Variants in C8orf48 observed in about 807,000 individuals in gnomAD.
The protein encoded by C8orf48 is chromosome 8 open reading frame 48.
For missense variants in C8orf48, 580 were observed against 363.3 expected (o/e 1.60, Z -4.85); for synonymous variants, 188 against 138.2 (o/e 1.36, Z -2.53).
In C8orf48 at chr8:13,567,507, T is replaced by G. The variant is rs1804489801; in HGVS notation, c.516T>G (p.Leu172=). The G allele has an allele frequency of 1.9e-6, 3 of 1,552,052 alleles. No homozygotes were observed. In the East Asian group the frequency reaches 7.3e-5, roughly 38 times the overall value. Residue 172 remains leucine, a synonymous_variant, in exon 1 of 1, where the codon CTT becomes CTG. Coordinates refer to ENST00000297324, the MANE Select transcript of C8orf48 (RefSeq NM_001007090.3). Reference sequence around the variant, plus strand: ...TTAGTTGTACTGTACCCGATGAACTTTTGAACAGAATCTACTTTAAAAACA... The same window carrying G: ...TTAGTTGTACTGTACCCGATGAACTGTTGAACAGAATCTACTTTAAAAACA... The part of the protein sequence containing the change: ...DAFSCTVPDE[L]LNRIYFKNMR...
At position 13,567,712 on chromosome 8, in the gene C8orf48, C is replaced by G. The variant is rs1251178162; in HGVS notation, c.721C>G (p.Leu241Val). Residue 241 changes from leucine (L) to valine (V), a missense_variant, in exon 1 of 1, where the codon CTC becomes GTC. By Grantham distance (32) the Leu-to-Val change is conservative. Transcript: ENST00000297324. The stretch of plus-strand genomic sequence containing the variant: ...TGAACATCTTCATACCAAAGACTTT[C>G]TCACCCGTATTGGAGAAGCACATCA... ...IDEHLHTKDFLTRIGEAHQDF... is the reference protein window; with the variant it reads ...IDEHLHTKDFVTRIGEAHQDF... 5 of 1,552,084 alleles carry G rather than the reference C, an allele frequency of 3.2e-6. No individual in the cohort carries two copies. In the South Asian group the frequency reaches 4.8e-5, roughly 15 times the overall value.
rs1804487855 is a variant in C8orf48 at position 13,567,474 on chromosome 8, A to T, written c.483A>T (p.Arg161Ser). 6.4e-7 allele frequency: 1 copy of T among 1,552,096 alleles called. No individual in the cohort carries two copies. Among genetic ancestry groups the T allele is most frequent in the African/African-American group, 1.4e-5 (1 of 73,168 alleles). The change falls in exon 1 of 1, where the codon AGA becomes AGT. Residue 161 changes from arginine to serine, a missense_variant. By Grantham distance (110) the Arg-to-Ser change is moderately radical (BLOSUM62 -1). Coordinates refer to ENST00000297324, the MANE Select transcript of C8orf48 (RefSeq NM_001007090.3). Reference protein sequence around the residue: ...HLGLDVEASERDAFSCTVPDE... With the variant: ...HLGLDVEASESDAFSCTVPDE... ...GATTGGATGTAGAGGCTTCAGAGAGAGATGCCTTTAGTTGTACTGTACCCG... is the reference window on the plus strand; with the variant it reads ...GATTGGATGTAGAGGCTTCAGAGAGTGATGCCTTTAGTTGTACTGTACCCG...
chr8:13,567,739 G>A lies in C8orf48; in HGVS notation c.748G>A (p.Asp250Asn). 1 of 1,552,036 alleles carries A rather than the reference G, an allele frequency of 6.4e-7. No homozygotes were observed. The change falls in exon 1 of 1, where the codon GAC becomes AAC. Residue 250 changes from aspartate (D) to asparagine (N), a missense_variant. Coordinates refer to ENST00000297324, the MANE Select transcript of C8orf48 (RefSeq NM_001007090.3). Reference protein sequence around the residue: ...FLTRIGEAHQDFPRLSDDPRI... With the variant: ...FLTRIGEAHQNFPRLSDDPRI... The stretch of plus-strand genomic sequence containing the variant: ...CACCCGTATTGGAGAAGCACATCAA[G>A]ACTTTCCCAGGCTTTCAGATGACCC...
chr8:13,567,175 C>G lies in C8orf48; in HGVS notation c.184C>G (p.Pro62Ala), dbSNP rs1446758852. The G allele has an allele frequency of 2.6e-6, 4 of 1,551,640 alleles. No individual in the cohort carries two copies. Among genetic ancestry groups the G allele is most frequent in the African/African-American group, 2.7e-5 (2 of 73,024 alleles). ...CAAACTGGAGAGGGAAAAGCAGACT[C>G]CAAGCTTGGAACAAGGAGACACACA... ...GSKLEREKQT[P>A]SLEQGDTQSE... Residue 62 changes from proline (P) to alanine (A), a missense_variant, in exon 1 of 1, where the codon CCA becomes GCA. Pro to Ala is a conservative substitution (Grantham distance 27). Transcript: ENST00000297324.
rs1804510049 is a variant in C8orf48, at chr8:13,567,895, C to A, written c.904C>A (p.Leu302Ile). The change falls in exon 1 of 1, where the codon CTC becomes ATC. Residue 302 changes from leucine to isoleucine, a missense_variant. Transcript: ENST00000297324. Reference protein sequence around the residue: ...ACHLPFSLPFLKRLTLIKPEL... With the variant: ...ACHLPFSLPFIKRLTLIKPEL... ...TCATTTACCATTTTCTCTGCCATTT[C>A]TCAAGCGACTTACTCTAATCAAACC... 6.4e-7 allele frequency: 1 copy of A among 1,551,992 alleles called. No homozygotes were observed. Among genetic ancestry groups the A allele is most frequent in the Non-Finnish European group, 8.7e-7 (1 of 1,146,988 alleles).
Position 13,567,278 on chromosome 8 carries a change from C to A in C8orf48, c.287C>A (p.Ser96Tyr), listed in dbSNP as rs1563445609. Residue 96 changes from serine (S) to tyrosine (Y), a missense_variant, in exon 1 of 1, where the codon TCT becomes TAT. Ser to Tyr is a moderately radical substitution (Grantham distance 144). Coordinates refer to ENST00000297324, the MANE Select transcript of C8orf48 (RefSeq NM_001007090.3). Reference protein sequence around the residue: ...KWINYLKLKDSNFERHQPDTK... With the variant: ...KWINYLKLKDYNFERHQPDTK... ...ATCAACTACCTCAAGCTCAAAGACT[C>A]TAACTTTGAACGGCACCAACCAGAC... 1 of 1,551,678 alleles carries A rather than the reference C, an allele frequency of 6.4e-7. No individual in the cohort carries two copies. The highest frequency in any genetic ancestry group is 2.0e-5 in the Admixed American group (1 of 51,014).
chr8:13,567,163 G>T, the C8orf48 span: 1 of 1,551,780 alleles, frequency 6.4e-7, no homozygotes, highest in Non-Finnish European at 8.7e-7. Context: ...ACTGGAGAGG[G>T]AAAAGCAGAC....
chr8:13,567,946 G>T lies in C8orf48; in HGVS notation c.955G>T (p.Val319Leu). ...KPELVIVNDN[V>L] is the part of the protein sequence containing the mutation. ...AGAGCTGGTGATTGTTAATGATAATGTGTAATGTGGATAGATGTCTTTGTT... is the reference window on the plus strand; with the variant it reads ...AGAGCTGGTGATTGTTAATGATAATTTGTAATGTGGATAGATGTCTTTGTT... The change falls in exon 1 of 1, where the codon GTG becomes TTG. Residue 319 changes from valine to leucine, a missense_variant. By Grantham distance (32) the Val-to-Leu change is conservative. Transcript: ENST00000297324. 6.5e-7 allele frequency: 1 copy of T among 1,542,590 alleles called. No homozygotes were observed. Among genetic ancestry groups the T allele is most frequent in the Non-Finnish European group, 8.7e-7 (1 of 1,142,946 alleles).
chr8:13,567,488 G>T lies in C8orf48; in HGVS notation c.497G>T (p.Cys166Phe), dbSNP rs1454956176. ...GCTTCAGAGAGAGATGCCTTTAGTT[G>T]TACTGTACCCGATGAACTTTTGAAC... ...VEASERDAFS[C>F]TVPDELLNRI... Residue 166 changes from cysteine (C) to phenylalanine (F), a missense_variant, in exon 1 of 1, where the codon TGT becomes TTT. Physicochemically the swap from Cys to Phe is radical, Grantham distance 205. Coordinates refer to ENST00000297324, the MANE Select transcript of C8orf48 (RefSeq NM_001007090.3). The T allele has an allele frequency of 6.4e-7, 1 of 1,552,090 alleles. No individual in the cohort carries two copies. Among genetic ancestry groups the T allele is most frequent in the Non-Finnish European group, 8.7e-7 (1 of 1,147,074 alleles).
At position 13,567,902 on chromosome 8, in the gene C8orf48, G is replaced by C. The variant is rs1021004817; in HGVS notation, c.911G>C (p.Arg304Pro). ...CCATTTTCTCTGCCATTTCTCAAGC[G>C]ACTTACTCTAATCAAACCAGAGCTG... Reference protein sequence around the residue: ...HLPFSLPFLKRLTLIKPELVI... With the variant: ...HLPFSLPFLKPLTLIKPELVI... The change falls in exon 1 of 1, where the codon CGA becomes CCA. Residue 304 changes from arginine to proline, a missense_variant. Transcript: ENST00000297324. 2.1e-5 allele frequency: 32 copies of C among 1,551,788 alleles called. No individual in the cohort carries two copies. Among genetic ancestry groups the C allele is most frequent in the Admixed American group, 9.8e-5 (5 of 50,980 alleles).
chr8:13,567,477 T>C lies in C8orf48; in HGVS notation c.486T>C (p.Asp162=), dbSNP rs560429915. The change falls in exon 1 of 1, where the codon GAT becomes GAC. Residue 162 remains aspartate, a synonymous_variant. Coordinates refer to ENST00000297324, the MANE Select transcript of C8orf48 (RefSeq NM_001007090.3). Reference sequence around the variant, plus strand: ...TGGATGTAGAGGCTTCAGAGAGAGATGCCTTTAGTTGTACTGTACCCGATG... The same window carrying C: ...TGGATGTAGAGGCTTCAGAGAGAGACGCCTTTAGTTGTACTGTACCCGATG... ...LGLDVEASER[D]AFSCTVPDEL... is the part of the protein sequence containing the mutation. 2 of 1,552,056 alleles carry C rather than the reference T, an allele frequency of 1.3e-6. No homozygotes were observed. The highest frequency in any genetic ancestry group is 1.4e-5 in the African/African-American group (1 of 73,170).
In C8orf48 at chr8:13,567,396, T is replaced by A; in HGVS notation, c.405T>A (p.Arg135=). The A allele has an allele frequency of 6.4e-7, 1 of 1,551,688 alleles. No homozygotes were observed. The highest frequency in any genetic ancestry group is 8.7e-7 in the Non-Finnish European group (1 of 1,147,012). Residue 135 remains arginine (R), a synonymous_variant, in exon 1 of 1, where the codon CGT becomes CGA. Coordinates refer to ENST00000297324, the MANE Select transcript of C8orf48 (RefSeq NM_001007090.3). ...CCATGAAGATAAATTTGATTCATCGTAGAGGGGATTCTAAGAAGAAGACGA... is the reference window on the plus strand; with the variant it reads ...CCATGAAGATAAATTTGATTCATCGAAGAGGGGATTCTAAGAAGAAGACGA... ...YCTMKINLIH[R]RGDSKKKTSS...
In C8orf48 at chr8:13,567,033, T is replaced by C. The variant is rs767032573; in HGVS notation, c.42T>C (p.Ala14=). The part of the protein sequence containing the change: ...CPELAQTDKS[A]LANLSDETET... The stretch of plus-strand genomic sequence containing the variant: ...AATTGGCCCAAACGGACAAAAGTGC[T>C]CTTGCAAACCTTTCTGATGAGACTG... Residue 14 remains alanine (A), a synonymous_variant, in exon 1 of 1, where the codon GCT becomes GCC. Coordinates refer to ENST00000297324, the MANE Select transcript of C8orf48 (RefSeq NM_001007090.3). The C allele has an allele frequency of 1.2e-5, 18 of 1,551,096 alleles. No homozygotes were observed. The highest frequency in any genetic ancestry group is 1.5e-5 in the Non-Finnish European group (17 of 1,146,726).
Position 13,568,001 on chromosome 8 carries a change from C to T in C8orf48, c.*50C>T, listed in dbSNP as rs547029149. On this transcript the variant is annotated 3_prime_UTR_variant, in exon 1 of 1. Transcript: ENST00000297324. ...ATTTGAGTAATTACCATAATTTCTA[C>T]AGGCACTTGGGAAACTAACTTAAGA... 6.8e-6 allele frequency: 10 copies of T among 1,471,110 alleles called. No individual in the cohort carries two copies. Among genetic ancestry groups the T allele is most frequent in the Middle Eastern group, 2.4e-4 (1 of 4,232 alleles). 91.1% of individuals were successfully genotyped at this position (1,471,110 alleles called of 1,614,324 possible). A position where few individuals can be genotyped will look rare whatever the true frequency, so the allele number is the denominator to read the frequency against.
rs1411365682 is a variant in C8orf48, at chr8:13,567,032, C to A, written c.41C>A (p.Ala14Asp). The A allele has an allele frequency of 2.3e-5, 35 of 1,551,038 alleles. No individual in the cohort carries two copies. The highest frequency in any genetic ancestry group is 3.1e-5 in the Non-Finnish European group (35 of 1,146,726). ...CPELAQTDKS[A>D]LANLSDETET... ...GAATTGGCCCAAACGGACAAAAGTG[C>A]TCTTGCAAACCTTTCTGATGAGACT... The change falls in exon 1 of 1, where the codon GCT becomes GAT. Residue 14 changes from alanine (A) to aspartate (D), a missense_variant. Transcript: ENST00000297324.
Position 13,567,329 on chromosome 8 carries a change from G to C in C8orf48, c.338G>C (p.Arg113Pro), listed in dbSNP as rs772088115. 2 of 1,551,590 alleles carry C rather than the reference G, an allele frequency of 1.3e-6. No individual in the cohort carries two copies. Among genetic ancestry groups the C allele is most frequent in the Non-Finnish European group, 1.7e-6 (2 of 1,146,982 alleles). ...ACCAAACTTCCAACAGAAATCACTC[G>C]GGTATCAGATGAAGAATTGAATGCC... ...PDTKLPTEIT[R>P]VSDEELNALQ... Residue 113 changes from arginine to proline, a missense_variant, in exon 1 of 1, where the codon CGG becomes CCG. By Grantham distance (103) the Arg-to-Pro change is moderately radical. Transcript: ENST00000297324.
rs542490022 is a variant in C8orf48, at chr8:13,567,075, T to C, written c.84T>C (p.Ser28=). 15 of 1,551,772 alleles carry C rather than the reference T, an allele frequency of 9.7e-6. No individual in the cohort carries two copies. The highest frequency in any genetic ancestry group is 1.3e-5 in the Non-Finnish European group (15 of 1,147,006). Residue 28 remains serine (S), a synonymous_variant, in exon 1 of 1, where the codon TCT becomes TCC. Transcript: ENST00000297324. ...LSDETETLKN[S]TDEVQTSSSF... is the part of the protein sequence containing the mutation. ...ATGAGACTGAGACTTTGAAGAACTC[T>C]ACTGATGAGGTACAGACTTCCAGCT...
rs111582934 is a variant in C8orf48 at position 13,567,295 on chromosome 8, C to G, written c.304C>G (p.Gln102Glu). The G allele has an allele frequency of 6.4e-7, 1 of 1,551,704 alleles. No homozygotes were observed. Residue 102 changes from glutamine to glutamate, a missense_variant, in exon 1 of 1, where the codon CAA becomes GAA. Coordinates refer to ENST00000297324, the MANE Select transcript of C8orf48 (RefSeq NM_001007090.3). ...CAAAGACTCTAACTTTGAACGGCAC[C>G]AACCAGACACCAAACTTCCAACAGA... ...KLKDSNFERH[Q>E]PDTKLPTEIT...
In C8orf48 at chr8:13,567,551, A is replaced by G. The variant is rs1563445961; in HGVS notation, c.560A>G (p.Gln187Arg). The change falls in exon 1 of 1, where the codon CAG (glutamine) becomes CGG (arginine). Residue 187 changes from glutamine (Q) to arginine (R), a missense_variant. By Grantham distance (43) the Gln-to-Arg change is conservative (BLOSUM62 1). Transcript: ENST00000297324. ...AAAAACATGAGGACAACGCCAAAAC[A>G]GGAGGCAGCAGCTAAGCAACACATA... ...YFKNMRTTPK[Q>R]EAAAKQHISY... 1 of 1,549,708 alleles carries G rather than the reference A, an allele frequency of 6.5e-7. No individual in the cohort carries two copies. The highest frequency in any genetic ancestry group is 2.4e-5 in the East Asian group (1 of 40,918).
Sources: gnomAD v4.1 joint callset for allele counts on GRCh38, gnomAD v4.1.1 for gene constraint, MANE v1.5 for transcripts, NCBI Gene and HGNC (gene_info 2026-07-23, HGNC 2026-07-21) for gene names.